RSBN1L: variants seen among roughly 807,000 people sequenced by gnomAD.
The protein encoded by RSBN1L is lysine-specific demethylase RSBN1L.
Under a neutral mutation model 67.7 loss-of-function variants are expected in RSBN1L, and 30 were observed. The ratio of observed to expected loss-of-function variants is 0.44; its 90% CI spans 0.33 to 0.60. The LOEUF is 0.60. Ranked by LOEUF, RSBN1L falls within the 20% of genes least tolerant of loss-of-function variation. The pLI is 0.02. For missense variants in RSBN1L, 992 were observed against 1,031.7 expected, an observed-to-expected ratio of 0.96 and a Z score of 0.53; for synonymous variants, 433 against 387.0, an observed-to-expected ratio of 1.12 and a Z score of -1.39.
intron 1 of RSBN1L, among the ~76,000 whole-genome samples, chr7:77,724,237 A>G (rs952430946): frequency 6.6e-6 from 1 of 152,028 alleles, no homozygotes; most frequent in Non-Finnish European, 1.5e-5. Flanking sequence ...GTGAGTACAT[A>G]TTATGTTATA....
intron 6 of RSBN1L, among the ~76,000 whole-genome samples, chr7:77,776,475 C>A (rs1317852025): frequency 6.6e-6 from 1 of 152,194 alleles, no homozygotes; most frequent in African/African-American, 2.4e-5. Flanking sequence ...TACTTTCTGT[C>A]TGTAGGTATA....
rs540796602 is a variant in RSBN1L, at chr7:77,778,521, A to AT, written c.1903-3dup. ...AGTTATTTGTATTTCTTGTTTTATT[A>AT]TTTTTTAGTGTGTCCAATGGGTTGA... is the stretch of plus-strand genomic sequence containing the variant. On this transcript the variant is annotated splice_polypyrimidine_tract_variant and intron_variant, in intron 7 of 7. Coordinates refer to ENST00000334955, the MANE Select transcript of RSBN1L (RefSeq NM_198467.3). 203 of 1,598,918 alleles carry AT rather than the reference A, an allele frequency of 1.3e-4. No individual in the cohort carries two copies. The African/African-American group carries it at 2.3e-3, about 18-fold the overall frequency.
intron 3 of RSBN1L, among the ~76,000 whole-genome samples, chr7:77,754,489 A>T (rs1210392298): frequency 6.6e-6 from 1 of 152,142 alleles, no homozygotes; most frequent in Admixed American, 6.5e-5. Flanking sequence ...GGTCTTGCAG[A>T]TTTTTAAGAT....
rs148665943 is a variant in RSBN1L, at chr7:77,703,170, G to A, written c.586+6115G>A. On this transcript the variant is annotated intron_variant, in intron 1 of 7. Coordinates refer to ENST00000334955, the MANE Select transcript of RSBN1L (RefSeq NM_198467.3). ...AGCATTTCACTTCTCTTTTCTGTGA[G>A]GGATACCCCTCATCTTGGAGCCACT... 1.6e-3 allele frequency among the ~76,000 whole-genome samples: 244 copies of A among 152,206 alleles called. 2 individuals carry two copies. Among genetic ancestry groups the A allele is most frequent in the African/African-American group, 5.7e-3 (235 of 41,538 alleles).
chr7:77,779,111 G>T lies in RSBN1L; in HGVS notation c.2484G>T (p.Arg828Ser). The change falls in exon 8 of 8, where the codon AGG (arginine) becomes AGT (serine). Residue 828 changes from arginine (R) to serine (S), a missense_variant. Arg to Ser is a moderately radical substitution (Grantham distance 110). This residue lies in a region of RSBN1L where 199 missense variants were observed against 167.7 expected (regional missense o/e 1.19). Transcript: ENST00000334955. ...CPGNLSLVDT[R>S]QHSSAHSNQD... ...GAAATCTAAGTCTAGTTGATACAAG[G>T]CAACACAGTTCAGCACATTCAAATC... The T allele has an allele frequency of 6.2e-7, 1 of 1,613,388 alleles. No individual in the cohort carries two copies.
intron 2 of RSBN1L, among the ~76,000 whole-genome samples, chr7:77,742,827 GA>G (rs1296823825): frequency 1.3e-5 from 2 of 152,136 alleles, no homozygotes; most frequent in Non-Finnish European, 2.9e-5. Flanking sequence ...GACAGAGTGA[GA>G]CCCTGTCTTA....
chr7:77,744,910 AC>A (rs1375263442), intron 2 of RSBN1L, among the ~76,000 whole-genome samples: 2 of 152,226 alleles, frequency 1.3e-5, no homozygotes, highest in Admixed American at 1.3e-4. Flanking sequence ...ATTGCTATCA[AC>A]TTAAAATAGT....
At chr7:77,720,318 T>A (rs924243896) in intron 1 of RSBN1L, among the ~76,000 whole-genome samples, 1 of 152,026 alleles carries the variant, frequency 6.6e-6, no homozygotes, top group African/African-American at 2.4e-5. Flanking sequence ...CTTAGCACTT[T>A]GGGAGGCCAA....
intron 1 of RSBN1L, among the ~76,000 whole-genome samples, chr7:77,714,790 G>T (rs529350854): frequency 2.8e-4 from 43 of 151,854 alleles, no homozygotes; most frequent in African/African-American, 9.4e-4. Flanking sequence ...GTGAAACCCC[G>T]TTTCTACTAA....
chr7:77,774,242 A>G lies in RSBN1L; in HGVS notation c.1793+928A>G, dbSNP rs367942905. ...ATATACTTGAGGTGTCATCTCATAC[A>G]TTAAATACCTTTCCATTTATTAAAT... On this transcript the variant is annotated intron_variant, in intron 6 of 7. Transcript: ENST00000334955. 9.2e-5 allele frequency among the ~76,000 whole-genome samples: 14 copies of G among 152,354 alleles called. No homozygotes were observed. The East Asian group carries it at 1.9e-3, about 21-fold the overall frequency.
intron 3 of RSBN1L, among the ~76,000 whole-genome samples, chr7:77,759,188 T>C (rs1264560531): frequency 6.6e-6 from 1 of 152,234 alleles, no homozygotes; most frequent in Non-Finnish European, 1.5e-5. Context: ...CAATTTGATG[T>C]TTCATCTTTG....
chr7:77,769,590 A>G (rs1275323194), intron 5 of RSBN1L, among the ~76,000 whole-genome samples: 1 of 152,198 alleles, frequency 6.6e-6, no homozygotes. Context: ...ATGCAGTGGC[A>G]ATAGTATTTG....
At chr7:77,697,909 C>A (rs947933852) in intron 1 of RSBN1L, among the ~76,000 whole-genome samples, 3 of 152,214 alleles carry the variant, frequency 2.0e-5, no homozygotes, top group African/African-American at 7.2e-5. Context: ...TACGGATACA[C>A]AATGATCTGA....
chr7:77,714,084 C>T (rs1302324571), intron 1 of RSBN1L, among the ~76,000 whole-genome samples: 1 of 152,094 alleles, frequency 6.6e-6, no homozygotes, highest in Admixed American at 6.6e-5. Context: ...TTTAGATTTG[C>T]ACTTTTTTAC....
intron 1 of RSBN1L, among the ~76,000 whole-genome samples, chr7:77,709,962 G>T (rs912765965): frequency 6.6e-6 from 1 of 152,076 alleles, no homozygotes; most frequent in Non-Finnish European, 1.5e-5. Context: ...TATGTTCCTT[G>T]TCTCAGTACC....
At chr7:77,725,349 A>G (rs1184951586) in intron 1 of RSBN1L, among the ~76,000 whole-genome samples, 2 of 68,164 alleles carry the variant, frequency 2.9e-5, no homozygotes, top group East Asian at 2.9e-4. Context: ...CCTGGGTCCA[A>G]TCGATTCTCC....
At chr7:77,756,411 G>A (rs1045876413) in intron 3 of RSBN1L, among the ~76,000 whole-genome samples, 1 of 152,190 alleles carries the variant, frequency 6.6e-6, no homozygotes, top group South Asian at 2.1e-4. Context: ...GGGTTTACAG[G>A]CATGAGCCAC....
intron 2 of RSBN1L, among the ~76,000 whole-genome samples, chr7:77,740,598 AAGAT>A (rs1791395569): frequency 1.3e-5 from 2 of 152,244 alleles, no homozygotes; most frequent in African/African-American, 2.4e-5. Flanking sequence ...GGGAGAGAGA[AAGAT>A]AGATATAAAT....
intron 3 of RSBN1L, among the ~76,000 whole-genome samples, chr7:77,762,286 T>C (rs1791705762): frequency 6.6e-6 from 1 of 152,284 alleles, no homozygotes; most frequent in Non-Finnish European, 1.5e-5. Context: ...GAAATAGTTA[T>C]GAATTTTAAT....
Sources: gnomAD v4.1 joint callset for allele counts (sites outside exome capture counted in the v4.1 genomes callset) on GRCh38, gnomAD v4.1.1 for gene constraint, gnomAD v4.1.1 regional missense constraint, MANE v1.5 for transcripts, NCBI Gene and HGNC (gene_info 2026-07-23, HGNC 2026-07-21) for gene names.